The following MGAT5 variants were observed in gnomAD, a reference collection of about 807,000 sequenced individuals.
MGAT5 encodes the protein alpha-1,6-mannosylglycoprotein 6-beta-N-acetylglucosaminyltransferase, also known as alpha-1,6-mannosylglycoprotein 6-beta-N-acetylglucosaminyltransferase A.
Under a neutral mutation model 94.3 loss-of-function variants are expected in MGAT5, and 30 were observed. That is an observed-to-expected ratio of 0.32 (90% confidence interval 0.24 to 0.43). MGAT5 has a LOEUF of 0.43. MGAT5 is among the 20% of genes least tolerant of loss of function. MGAT5 has a pLI of 1.00. For missense variants in MGAT5, 691 were observed against 905.5 expected, an observed-to-expected ratio of 0.76 and a Z score of 3.04; for synonymous variants, 310 against 322.9, an observed-to-expected ratio of 0.96 and a Z score of 0.43.
At chr2:134,172,625 AT>A (rs1688271295) in intron 1 of MGAT5, among the ~76,000 whole-genome samples, 2 of 152,054 alleles carry the variant, frequency 1.3e-5, no homozygotes, top group Admixed American at 6.5e-5. Flanking sequence ...TGACCTCGTG[AT>A]TCTCCCGCCT....
Position 134,428,453 on chromosome 2 carries a change from G to GAAGTCAGT in MGAT5, c.1869+15_1869+22dup. On this transcript the variant is annotated intron_variant, in intron 14 of 15. Coordinates refer to ENST00000281923, the MANE Select transcript of MGAT5 (RefSeq NM_002410.5). ...ATTGAAAAACAGGTAAGGCTTATCA[G>GAAGTCAGT]AAGTCAGTCTGTCTTTGCTGTGTAC... 1.2e-6 allele frequency: 2 copies of GAAGTCAGT among 1,611,512 alleles called. No homozygotes were observed. The highest frequency in any genetic ancestry group is 1.7e-6 in the Non-Finnish European group (2 of 1,178,134).
Position 134,336,279 on chromosome 2 carries a change from T to C in MGAT5, c.636T>C (p.His212=). 2 of 1,612,536 alleles carry C rather than the reference T, an allele frequency of 1.2e-6. No individual in the cohort carries two copies. Among genetic ancestry groups the C allele is most frequent in the Non-Finnish European group, 1.7e-6 (2 of 1,179,106 alleles). The change falls in exon 5 of 16, where the codon CAT becomes CAC. Residue 212 remains histidine (H), a synonymous_variant. Coordinates refer to ENST00000281923, the MANE Select transcript of MGAT5 (RefSeq NM_002410.5). ...AAAATCCCTACGAAGAAGCTGATCA[T>C]AATTCATTGGTAAGTGATTTTGGAA... The part of the protein sequence containing the change: ...RAKNPYEEAD[H]NSLAEIRTDF...
intron 1 of MGAT5, among the ~76,000 whole-genome samples, chr2:134,240,580 T>C (rs1681924949): frequency 6.6e-6 from 1 of 152,106 alleles, no homozygotes; most frequent in African/African-American, 2.4e-5. Flanking sequence ...TTTATGTTCT[T>C]AATGGAGTGT....
At chr2:134,235,728 G>GTT (rs10699301) in intron 1 of MGAT5, among the ~76,000 whole-genome samples, 16 of 146,796 alleles carry the variant, frequency 1.1e-4, no homozygotes, top group African/African-American at 2.7e-4. Context: ...AATAATAGGG[G>GTT]TTTTTTTTTT....
intron 2 of MGAT5, among the ~76,000 whole-genome samples, chr2:134,289,005 C>T (rs1347169777): frequency 6.6e-6 from 1 of 152,192 alleles, no homozygotes; most frequent in Non-Finnish European, 1.5e-5. Context: ...AAAGACTTGG[C>T]GCATGTTTAA....
At chr2:134,261,127 T>C (rs1683304897) in intron 1 of MGAT5, among the ~76,000 whole-genome samples, 1 of 152,152 alleles carries the variant, frequency 6.6e-6, no homozygotes, top group Non-Finnish European at 1.5e-5. Context: ...CTTCTACCCC[T>C]CAGTCATTAA....
chr2:134,381,378 TAGATTAGA>T (rs1164869051), intron 10 of MGAT5, among the ~76,000 whole-genome samples: 4 of 71,636 alleles, frequency 5.6e-5, no homozygotes, highest in African/African-American at 2.2e-4. Context: ...TAAGATAAGA[TAGATTAGA>T]TAGATAGATA....
At position 134,259,411 on chromosome 2, in the gene MGAT5, C is replaced by T. The variant is rs143918256; in HGVS notation, c.241+4767C>T. Among the ~76,000 whole-genome samples the T allele has an allele frequency of 4.0e-3, 605 of 152,334 alleles. 3 individuals are homozygous for T. The highest frequency in any genetic ancestry group is 6.3e-3 in the Non-Finnish European group (430 of 68,026). On this transcript the variant is annotated intron_variant, in intron 1 of 15. Transcript: ENST00000281923. ...CTGATCCCTAGTGATCACCTCTTAT[C>T]TAACAGGACAAACCCGGTCCACTTG...
At chr2:134,284,653 A>G (rs545670234) in intron 2 of MGAT5, among the ~76,000 whole-genome samples, 1 of 152,226 alleles carries the variant, frequency 6.6e-6, no homozygotes, top group African/African-American at 2.4e-5. Context: ...ACTTTAAAAT[A>G]CTTTATTAGT....
At chr2:134,271,097 C>T (rs1219878271) in intron 2 of MGAT5, among the ~76,000 whole-genome samples, 1 of 152,196 alleles carries the variant, frequency 6.6e-6, no homozygotes, top group Non-Finnish European at 1.5e-5. Context: ...GCGGTTCCCA[C>T]TGGGAGGCAT....
intron 1 of MGAT5, among the ~76,000 whole-genome samples, chr2:134,173,971 A>C (rs1461671966): frequency 6.6e-6 from 1 of 152,244 alleles, no homozygotes; most frequent in Non-Finnish European, 1.5e-5. Flanking sequence ...GTTATAAATC[A>C]TCATCTCTCT....
intron 10 of MGAT5, among the ~76,000 whole-genome samples, chr2:134,387,162 G>A (rs1241463599): frequency 2.0e-5 from 3 of 151,514 alleles, no homozygotes; most frequent in Admixed American, 1.3e-4. Flanking sequence ...TCGGGAGGCT[G>A]AGGCAGGAGA....
chr2:134,367,390 T>TA, intron 10 of MGAT5, among the ~76,000 whole-genome samples: 1 of 152,380 alleles, frequency 6.6e-6, no homozygotes, highest in Middle Eastern at 3.4e-3. Flanking sequence ...TGGCGAACTC[T>TA]AGACTGTGGA....
Position 134,449,748 on chromosome 2 carries a change from A to C in MGAT5, c.*901A>C, listed in dbSNP as rs1459752903. On this transcript the variant is annotated 3_prime_UTR_variant, in exon 16 of 16. Transcript: ENST00000281923. ...GCTATGAGGAGGAAAGTAGAGATGAAAGACTCACGCTGTTCATGGACTTGG... is the reference window on the plus strand; with the variant it reads ...GCTATGAGGAGGAAAGTAGAGATGACAGACTCACGCTGTTCATGGACTTGG... 1.3e-5 allele frequency: 2 copies of C among 152,232 alleles called. No homozygotes were observed. The highest frequency in any genetic ancestry group is 4.8e-5 in the African/African-American group (2 of 41,454). 9.4% of individuals were successfully genotyped at this position (152,232 alleles called of 1,614,324 possible). A position where few individuals can be genotyped will look rare whatever the true frequency, so the allele number is the denominator to read the frequency against.
intron 2 of MGAT5, among the ~76,000 whole-genome samples, chr2:134,317,132 C>T (rs563099280): frequency 5.2e-4 from 79 of 152,242 alleles, no homozygotes; most frequent in African/African-American, 1.9e-3. Context: ...TGTTCATGGC[C>T]CCAGCTTGCC....
At chr2:134,231,638 CTCATTCACCCTCTGG>C (rs1489689976) in intron 1 of MGAT5, among the ~76,000 whole-genome samples, 2 of 152,202 alleles carry the variant, frequency 1.3e-5, no homozygotes, top group African/African-American at 4.8e-5. Context: ...GATGATTTCC[CTCATTCACCCTCTGG>C]AGTTCTTTTA....
intron 12 of MGAT5, among the ~76,000 whole-genome samples, chr2:134,415,185 C>A (rs1306941090): frequency 1.3e-5 from 2 of 152,108 alleles, no homozygotes; most frequent in East Asian, 3.8e-4. Flanking sequence ...TTTTGAGAAA[C>A]CTCCATTTTC....
chr2:134,175,754 C>T (rs906767776), intron 1 of MGAT5, among the ~76,000 whole-genome samples: 2 of 152,192 alleles, frequency 1.3e-5, no homozygotes, highest in African/African-American at 4.8e-5. Context: ...TCTCTCCAAG[C>T]CAGGTTTGGG....
At chr2:134,340,385 C>T (rs923036432) in intron 6 of MGAT5, among the ~76,000 whole-genome samples, 2 of 152,056 alleles carry the variant, frequency 1.3e-5, no homozygotes, top group African/African-American at 4.8e-5. Context: ...AGACTAGGAT[C>T]GTGTCAAAAG....
Sources: gnomAD v4.1 joint callset for allele counts (sites outside exome capture counted in the v4.1 genomes callset) on GRCh38, gnomAD v4.1.1 for gene constraint, MANE v1.5 for transcripts, NCBI Gene and HGNC (gene_info 2026-07-23, HGNC 2026-07-21) for gene names.